The following FYB1 variants were observed in gnomAD, a reference collection of about 807,000 sequenced individuals.
FYB1 encodes the protein FYN-binding protein 1.
Under a neutral mutation model 94.1 loss-of-function variants are expected in FYB1, and 41 were observed. The observed-to-expected ratio is 0.44, with a 90% CI of 0.34 to 0.57. The LOEUF is 0.57. FYB1 is among the 20% of genes least tolerant of loss of function. The probability of loss-of-function intolerance (pLI) is 0.02; values close to 1 mark genes in which losing one functional copy is unlikely to be tolerated. For missense variants in FYB1, 1,050 were observed against 976.8 expected, an observed-to-expected ratio of 1.07 and a Z score of -1.00; for synonymous variants, 367 against 353.2, an observed-to-expected ratio of 1.04 and a Z score of -0.44.
chr5:39,148,460 T>C (rs1742969494), intron 3 of FYB1, among the ~76,000 whole-genome samples: 1 of 143,290 alleles, frequency 7.0e-6, no homozygotes, highest in Admixed American at 7.1e-5. Context: ...TAAACTTTGT[T>C]CTATACCTGC....
At position 39,268,382 on chromosome 5, in the gene FYB1, T is replaced by C. The variant is rs1579816776; in HGVS notation, c.-28+6021A>G. On this transcript the variant is annotated intron_variant, in intron 1 of 1. Coordinates refer to the FYB1 transcript ENST00000510188. ...AGGTGGGACAACAGGCATGCACCAC[T>C]AGGCCTGGCTGATTTATTTTTTTAC... Among the ~76,000 whole-genome samples, 3 of 151,992 alleles carry C rather than the reference T, an allele frequency of 2.0e-5. No individual in the cohort carries two copies. The East Asian group carries it at 5.8e-4, about 29-fold the overall frequency.
chr5:39,160,103 T>A (rs1744113324), intron 2 of FYB1, among the ~76,000 whole-genome samples: 1 of 152,200 alleles, frequency 6.6e-6, no homozygotes, highest in African/African-American at 2.4e-5. Flanking sequence ...AGGTTTAAAT[T>A]CAGATTCAAC....
intron 16 of FYB1, chr5:39,110,635 T>C (rs930700833): frequency 1.5e-5 from 6 of 393,060 alleles, no homozygotes; most frequent in South Asian, 9.1e-5. Context: ...CTTTCCTCCT[T>C]TCCCCTTTAA....
Position 39,139,178 on chromosome 5 carries a change from C to G in FYB1, c.1359+55G>C. 2.2e-6 allele frequency: 3 copies of G among 1,389,020 alleles called. 1 individual carries two copies. The South Asian group carries it at 4.2e-5, about 20-fold the overall frequency. The allele number at this position is 1,389,020 out of a possible 1,614,324, so 86.0% of individuals were successfully genotyped here. A position where few individuals can be genotyped will look rare whatever the true frequency, so the allele number is the denominator to read the frequency against. The stretch of plus-strand genomic sequence containing the variant: ...TACCAATACGGAGTGAATCATAATA[C>G]TTGTGAAATATTCTGATTATGTCAA... On this transcript the variant is annotated intron_variant, in intron 5 of 18. Transcript: ENST00000512982.
chr5:39,148,153 TTTTATATATATATATA>T lies in FYB1; in HGVS notation c.1292+5279_1292+5294del, dbSNP rs1354991024. Among the ~76,000 whole-genome samples the T allele has an allele frequency of 4.7e-3, 375 of 79,452 alleles. 18 individuals are homozygous for T. Among genetic ancestry groups the T allele is most frequent in the Middle Eastern group, 0.014 (2 of 138 alleles). 52.1% of individuals were successfully genotyped at this position (79,452 alleles called of 152,430 possible). Reference sequence around the variant, plus strand: ...TCATTATATGTATATTATATGTATTTTTTATATATATATATATATATATATATATATATATATATAT... The same window carrying T: ...TCATTATATGTATATTATATGTATTTTATATATATATATATATATATATAT... On this transcript the variant is annotated intron_variant, in intron 3 of 18. Transcript: ENST00000512982.
chr5:39,224,163 A>G (rs1231436681), upstream of FYB1, among the ~76,000 whole-genome samples: 1 of 152,244 alleles, frequency 6.6e-6, no homozygotes, highest in African/African-American at 2.4e-5. Context: ...CATTCCAGCC[A>G]TCTTTCAAGG....
chr5:39,184,649 C>T (rs948892096), intron 2 of FYB1, among the ~76,000 whole-genome samples: 1 of 152,108 alleles, frequency 6.6e-6, no homozygotes, highest in South Asian at 2.1e-4. Flanking sequence ...GAAAACTGGA[C>T]TTTAATATTC....
chr5:39,120,944 G>A (rs1740036608), intron 14 of FYB1, among the ~76,000 whole-genome samples: 1 of 151,906 alleles, frequency 6.6e-6, no homozygotes, highest in Non-Finnish European at 1.5e-5. Flanking sequence ...GTGAAAGTTA[G>A]AAATGCCCTA....
At position 39,110,503 on chromosome 5, in the gene FYB1, A is replaced by G. The variant is rs1436783103; in HGVS notation, c.2402-114T>C. On this transcript the variant is annotated intron_variant, in intron 16 of 18. Transcript: ENST00000512982. ...TAATCATAGTATATTGAATAATTGT[A>G]TCTATCTCTGGAAATGACCCATTTT... The G allele has an allele frequency of 5.1e-6, 3 of 587,428 alleles. No individual in the cohort carries two copies. The Admixed American group carries it at 1.0e-4, about 20-fold the overall frequency. 36.4% of individuals were successfully genotyped at this position (587,428 alleles called of 1,614,324 possible). A position where few individuals can be genotyped will look rare whatever the true frequency, so the allele number is the denominator to read the frequency against.
Position 39,122,340 on chromosome 5 carries a change from T to A in FYB1, c.2134A>T (p.Met712Leu), listed in dbSNP as rs901305596. 6.4e-7 allele frequency: 1 copy of A among 1,558,214 alleles called. No homozygotes were observed. Among genetic ancestry groups the A allele is most frequent in the East Asian group, 2.3e-5 (1 of 43,610 alleles). Residue 712 changes from methionine to leucine, a missense_variant, in exon 14 of 19, where the codon ATG (methionine) becomes TTG (leucine). Physicochemically the swap from Met to Leu is conservative, Grantham distance 15. Transcript: ENST00000512982. ...TSDFPVSSAE[M>L]SQGTNVGKAK... ...TAATGAAAGCATTTTAATTACCTCA[T>A]CTCTGCTGATGAAACAGGGAAATCA...
chr5:39,133,441 G>A (rs190869991), intron 9 of FYB1, among the ~76,000 whole-genome samples: 1 of 152,208 alleles, frequency 6.6e-6, no homozygotes, highest in Non-Finnish European at 1.5e-5. Context: ...AGGAGAAAGG[G>A]AATGGAAAAG....
Position 39,124,238 on chromosome 5 carries a change from GT to G in FYB1, c.2071+14del. 1 of 1,544,594 alleles carries G rather than the reference GT, an allele frequency of 6.5e-7. No individual in the cohort carries two copies. Among genetic ancestry groups the G allele is most frequent in the South Asian group, 1.2e-5 (1 of 82,808 alleles). ...AATGAAGATACAGAACATACAATCA[GT>G]TTTTATTACTTACCCAATTGTTTAG... On this transcript the variant is annotated intron_variant, in intron 13 of 18. Coordinates refer to ENST00000512982, the MANE Select transcript of FYB1 (RefSeq NM_001465.6).
intron 2 of FYB1, among the ~76,000 whole-genome samples, chr5:39,198,810 T>C (rs1748051290): frequency 6.6e-6 from 1 of 152,104 alleles, no homozygotes; most frequent in Non-Finnish European, 1.5e-5. Context: ...TTTATAAGGA[T>C]GTAACCCGAT....
chr5:39,160,641 ATTTAT>A (rs1243370158), intron 2 of FYB1, among the ~76,000 whole-genome samples: 1 of 152,192 alleles, frequency 6.6e-6, no homozygotes, highest in Non-Finnish European at 1.5e-5. Flanking sequence ...GCACTGGGTA[ATTTAT>A]TTTGCTTCTC....
intron 1 of FYB1, among the ~76,000 whole-genome samples, chr5:39,244,322 A>G (rs1248693991): frequency 6.6e-6 from 1 of 152,092 alleles, no homozygotes; most frequent in Non-Finnish European, 1.5e-5. Flanking sequence ...TCCCATCAAT[A>G]CCTTATTTAT....
intron 2 of FYB1, among the ~76,000 whole-genome samples, chr5:39,191,848 A>G (rs1747390797): frequency 6.6e-6 from 1 of 152,242 alleles, no homozygotes; most frequent in Admixed American, 6.5e-5. Context: ...AAAAATAGAT[A>G]GATGGATTTT....
chr5:39,218,834 T>C lies in FYB1; in HGVS notation c.-28+609A>G, dbSNP rs982465398. ...GACAGCCAAAGGCTCCGAGGAAAAT[T>C]TGGAGTTGCTGGTTGCTTTGAAAGG... On this transcript the variant is annotated intron_variant, in intron 1 of 18. Coordinates refer to ENST00000512982, the MANE Select transcript of FYB1 (RefSeq NM_001465.6). Among the ~76,000 whole-genome samples, 63 of 152,192 alleles carry C rather than the reference T, an allele frequency of 4.1e-4. 1 individual carries two copies. Among genetic ancestry groups the C allele is most frequent in the Non-Finnish European group, 1.2e-4 (8 of 68,028 alleles).
At chr5:39,273,795 G>A (rs1472369533) in intron 1 of FYB1, among the ~76,000 whole-genome samples, 2 of 152,100 alleles carry the variant, frequency 1.3e-5, no homozygotes, top group Non-Finnish European at 2.9e-5. Context: ...AGAAGAATGG[G>A]GTGGCTAGGG....
At chr5:39,167,084 C>T (rs1744806852) in intron 2 of FYB1, among the ~76,000 whole-genome samples, 1 of 152,040 alleles carries the variant, frequency 6.6e-6, no homozygotes, top group African/African-American at 2.4e-5. Context: ...TTTGCCATTA[C>T]TTTTGGTAAA....
Sources: allele counts gnomAD v4.1 joint callset (sites outside exome capture counted in the v4.1 genomes callset), GRCh38; gene constraint gnomAD v4.1.1; transcripts MANE v1.5; gene names NCBI Gene and HGNC (gene_info 2026-07-23, HGNC 2026-07-21).